ARL13B: variants seen among roughly 807,000 people sequenced by gnomAD.
ARL13B encodes the protein ADP-ribosylation factor-like protein 13B.
ARL13B carries 36 observed loss-of-function variants against 56.1 expected under a neutral mutation model. The observed-to-expected ratio is 0.64, with a 90% CI of 0.49 to 0.85. The LOEUF (loss-of-function observed/expected upper bound fraction) is 0.85. ARL13B is among the 40% of genes least tolerant of loss of function. ARL13B has a pLI of 0.00. For missense variants in ARL13B, 519 were observed against 507.1 expected (o/e 1.02, Z -0.23); for synonymous variants, 178 against 171.1 (o/e 1.04, Z -0.32).
At chr3:93,985,538 A>C (rs1373788376) in intron 1 of ARL13B, among the ~76,000 whole-genome samples, 1 of 152,218 alleles carries the variant, frequency 6.6e-6, no homozygotes, top group Non-Finnish European at 1.5e-5. Context: ...GTTTATATGA[A>C]AATATACATG....
At chr3:94,044,048 C>G (rs1353882578) in intron 7 of ARL13B, among the ~76,000 whole-genome samples, 2 of 152,108 alleles carry the variant, frequency 1.3e-5, no homozygotes, top group African/African-American at 4.8e-5. Flanking sequence ...TCCCAAAGTG[C>G]TAAGATTACA....
rs2076776147 is a variant in ARL13B, at chr3:94,036,762, GATTA to G, written c.689+12_689+15del. 6.2e-7 allele frequency: 1 copy of G among 1,603,464 alleles called. No homozygotes were observed. Among genetic ancestry groups the G allele is most frequent in the Non-Finnish European group, 8.5e-7 (1 of 1,174,648 alleles). On this transcript the variant is annotated intron_variant, in intron 5 of 9. Transcript: ENST00000394222. ...AAAATTACGAGAAGAAAGGTAAGTA[GATTA>G]ATTTTGTACCACAGTGCATTTGAAG...
intron 3 of ARL13B, among the ~76,000 whole-genome samples, chr3:94,017,698 C>A (rs1405336017): frequency 1.3e-5 from 2 of 152,028 alleles, no homozygotes; most frequent in Non-Finnish European, 2.9e-5. Context: ...GGTTTTGATA[C>A]AATAATCAGG....
At chr3:93,984,573 G>A (rs575616788) in intron 1 of ARL13B, among the ~76,000 whole-genome samples, 2 of 152,182 alleles carry the variant, frequency 1.3e-5, no homozygotes, top group South Asian at 4.2e-4. Context: ...GAAGGCACAC[G>A]TGTAACTTTC....
At chr3:94,051,536 A>AAGTAG (rs1194401596) in intron 9 of ARL13B, among the ~76,000 whole-genome samples, 1 of 152,140 alleles carries the variant, frequency 6.6e-6, no homozygotes, top group African/African-American at 2.4e-5. Context: ...TATTTAGGAG[A>AAGTAG]AGTAGAGAAC....
chr3:94,042,646 G>T (rs1306517053), intron 6 of ARL13B, among the ~76,000 whole-genome samples: 1 of 152,036 alleles, frequency 6.6e-6, no homozygotes. Flanking sequence ...ATATATTTAT[G>T]TATGTTTCTG....
intron 3 of ARL13B, among the ~76,000 whole-genome samples, chr3:94,029,334 ATTTATTTTTTT>A (rs1455956660): frequency 3.7e-5 from 2 of 53,436 alleles, no homozygotes; most frequent in Non-Finnish European, 3.5e-5. Flanking sequence ...ATATATATAT[ATTTATTTTTTT>A]TTTATTTTTT....
intron 7 of ARL13B, among the ~76,000 whole-genome samples, chr3:94,048,551 A>G (rs1469328818): frequency 6.6e-6 from 1 of 151,862 alleles, no homozygotes; most frequent in African/African-American, 2.4e-5. Context: ...TATTGGGCCT[A>G]CCTTCTTTAG....
At position 94,003,954 on chromosome 3, in the gene ARL13B, G is replaced by A. The variant is rs142483720; in HGVS notation, c.380+46G>A. ...TGTAAATGTAGGGACGATGGCATTG[G>A]CCACTAAAGAAATTTACCTGTTACA... On this transcript the variant is annotated intron_variant, in intron 3 of 9. Coordinates refer to ENST00000394222, the MANE Select transcript of ARL13B (RefSeq NM_001174150.2). 2.2e-4 allele frequency: 350 copies of A among 1,610,252 alleles called. 3 individuals carry two copies. The African/African-American group carries it at 4.3e-3, about 20-fold the overall frequency.
intron 3 of ARL13B, chr3:94,014,296 G>T: frequency 1.8e-6 from 2 of 1,114,012 alleles, no homozygotes; most frequent in Non-Finnish European, 1.2e-6. Context: ...TATGTGAGTG[G>T]ATCCATGAGA....
At chr3:93,982,513 G>A (rs1575917895) in intron 1 of ARL13B, among the ~76,000 whole-genome samples, 1 of 152,152 alleles carries the variant, frequency 6.6e-6, no homozygotes, top group African/African-American at 2.4e-5. Context: ...ATGATTACAT[G>A]TTGAAATGAT....
intron 3 of ARL13B, chr3:94,014,309 G>T: frequency 8.0e-7 from 1 of 1,252,828 alleles, no homozygotes; most frequent in Non-Finnish European, 1.1e-6. Flanking sequence ...CCATGAGATG[G>T]AGAAAAACAA....
rs61739250 is a variant in ARL13B, at chr3:94,015,157, G to C, written c.380+11249G>C. 6.6e-4 allele frequency: 1,063 copies of C among 1,613,918 alleles called. 5 individuals carry two copies. The African/African-American group carries it at 0.011, about 17-fold the overall frequency. On this transcript the variant is annotated intron_variant, in intron 3 of 9. Coordinates refer to ENST00000394222, the MANE Select transcript of ARL13B (RefSeq NM_001174150.2). ...TACAGGCTCTCTTTCATAAATAACA[G>C]CTTGCTGTAGAAACACCCCTTGTTC...
Position 94,053,234 on chromosome 3 carries a change from A to C in ARL13B, c.1258A>C (p.Asn420His), listed in dbSNP as rs758854239. The C allele has an allele frequency of 1.2e-6, 2 of 1,613,452 alleles. No individual in the cohort carries two copies. The highest frequency in any genetic ancestry group is 1.7e-6 in the Non-Finnish European group (2 of 1,179,752). ...LPPLAVPQRP[N>H]SDAHDVIS is the part of the protein sequence containing the mutation. Reference sequence around the variant, plus strand: ...TCCCCTGGCTGTGCCACAGCGACCTAACAGTGATGCTCATGATGTGATCTC... The same window carrying C: ...TCCCCTGGCTGTGCCACAGCGACCTCACAGTGATGCTCATGATGTGATCTC... The change falls in exon 10 of 10, where the codon AAC becomes CAC. Residue 420 changes from asparagine (N) to histidine (H), a missense_variant. Transcript: ENST00000394222.
At chr3:93,997,127 G>T (rs2075981611) in intron 2 of ARL13B, among the ~76,000 whole-genome samples, 1 of 151,926 alleles carries the variant, frequency 6.6e-6, no homozygotes, top group South Asian at 2.1e-4. Context: ...CCCACTGATT[G>T]TACATTATGG....
intron 3 of ARL13B, among the ~76,000 whole-genome samples, chr3:94,020,839 C>T (rs2076432252): frequency 6.6e-6 from 1 of 151,970 alleles, no homozygotes; most frequent in African/African-American, 2.4e-5. Context: ...TTTGTTTTTG[C>T]CACTGATTTG....
chr3:93,988,344 T>C (rs1440498037), intron 1 of ARL13B, among the ~76,000 whole-genome samples: 1 of 152,134 alleles, frequency 6.6e-6, no homozygotes, highest in South Asian at 2.1e-4. Flanking sequence ...TATTACAGTA[T>C]ATAAAAACTA....
chr3:93,997,077 C>A (rs557848519), intron 2 of ARL13B, among the ~76,000 whole-genome samples: 13 of 152,100 alleles, frequency 8.5e-5, no homozygotes, highest in South Asian at 4.2e-4. Context: ...ATCACCCCCC[C>A]AGATGGGACC....
intron 7 of ARL13B, among the ~76,000 whole-genome samples, chr3:94,045,265 C>T (rs1351502418): frequency 2.6e-5 from 4 of 151,886 alleles, no homozygotes; most frequent in Non-Finnish European, 5.9e-5. Context: ...TAAGAGTCGT[C>T]ACCACTCCCT....
Sources: allele counts gnomAD v4.1 joint callset (sites outside exome capture counted in the v4.1 genomes callset), GRCh38; gene constraint gnomAD v4.1.1; transcripts MANE v1.5; gene names NCBI Gene and HGNC (gene_info 2026-07-23, HGNC 2026-07-21).